The following NIBAN3 variants were observed in gnomAD, a reference collection of about 807,000 sequenced individuals.
NIBAN3 encodes the protein protein Niban 3.
In NIBAN3, 66 loss-of-function variants were observed where a neutral mutation model predicts 76.4. The ratio of observed to expected loss-of-function variants is 0.86; its 90% CI spans 0.71 to 1.06. The LOEUF is 1.06. Among genes scored for constraint, NIBAN3 ranks in the 50% least tolerant of loss-of-function variants. The pLI is 0.00. For missense variants in NIBAN3, 808 were observed against 810.7 expected, an observed-to-expected ratio of 1.00 and a Z score of 0.04; for synonymous variants, 360 against 355.2, an observed-to-expected ratio of 1.01 and a Z score of -0.15.
rs1252131223 is a variant in NIBAN3, at chr19:17,540,469, C to A, written c.1057C>A (p.Leu353Met). The A allele has an allele frequency of 1.3e-6, 2 of 1,597,792 alleles. No homozygotes were observed. Among genetic ancestry groups the A allele is most frequent in the South Asian group, 2.2e-5 (2 of 89,562 alleles). The change falls in exon 9 of 15, where the codon CTG (leucine) becomes ATG (methionine). Residue 353 changes from leucine to methionine, a missense_variant. Leu to Met is a conservative substitution (Grantham distance 15). Coordinates refer to ENST00000599164, the MANE Select transcript of NIBAN3 (RefSeq NM_001321827.2). ...GCTGCCCCGGGTCGTGCAGACCCTGCTGCGCACCGTGGAAGCCTCGCTCGA... is the reference window on the plus strand; with the variant it reads ...GCTGCCCCGGGTCGTGCAGACCCTGATGCGCACCGTGGAAGCCTCGCTCGA... ...PQLPRVVQTLLRTVEASLEAV... is the reference protein window; with the variant it reads ...PQLPRVVQTLMRTVEASLEAV...
chr19:17,536,386 A>G (rs932206712), intron 4 of NIBAN3, among the ~76,000 whole-genome samples: 1 of 152,010 alleles, frequency 6.6e-6, no homozygotes, highest in African/African-American at 2.4e-5. Flanking sequence ...ACGGGGTTTC[A>G]CCACGTTGGC....
At chr19:17,548,731 G>A (rs1370598890) in intron 13 of NIBAN3, among the ~76,000 whole-genome samples, 2 of 152,106 alleles carry the variant, frequency 1.3e-5, no homozygotes, top group Non-Finnish European at 2.9e-5. Context: ...TTTGAGACCA[G>A]CTTGGCCAAC....
Position 17,553,019 on chromosome 19 carries a change from G to GC in NIBAN3, c.*1121_*1122insC, listed in dbSNP as rs1216842182. On this transcript the variant is annotated 3_prime_UTR_variant, in exon 15 of 15. Transcript: ENST00000599164. ...GAGCCTGGGAACTCAAGGCTGCAGT[G>GC]AGTGGTGATTGCACCACTGCACTCC... 4 of 190,028 alleles carry GC rather than the reference G, an allele frequency of 2.1e-5. No homozygotes were observed. Among genetic ancestry groups the GC allele is most frequent in the African/African-American group, 4.7e-5 (2 of 42,376 alleles). 11.8% of individuals were successfully genotyped at this position (190,028 alleles called of 1,614,324 possible). A position where few individuals can be genotyped will look rare whatever the true frequency, so the allele number is the denominator to read the frequency against.
chr19:17,530,776 G>A lies in NIBAN3; in HGVS notation c.77G>A (p.Arg26Lys), dbSNP rs1179087846. The A allele has an allele frequency of 3.1e-6, 5 of 1,612,212 alleles. No homozygotes were observed. The highest frequency in any genetic ancestry group is 2.5e-6 in the Non-Finnish European group (3 of 1,178,804). The change falls in exon 2 of 15, where the codon AGG becomes AAG. Residue 26 changes from arginine (R) to lysine (K), a missense_variant. Physicochemically the swap from Arg to Lys is conservative, Grantham distance 26 (BLOSUM62 2). Transcript: ENST00000599164. ...HLRGQVDTLL[R>K]NFLPCYRGQL... is the part of the protein sequence containing the mutation. Reference sequence around the variant, plus strand: ...GCAGGTCAGGTGGACACCCTGCTGAGGAACTTCCTGCCTTGCTACCGTGGG... The same window carrying A: ...GCAGGTCAGGTGGACACCCTGCTGAAGAACTTCCTGCCTTGCTACCGTGGG...
At chr19:17,543,991 C>CAAA (rs11313110) in intron 12 of NIBAN3, 41 of 64,404 alleles carry the variant, frequency 6.4e-4, no homozygotes, top group Admixed American at 1.2e-3. Context: ...AACTCAGTCT[C>CAAA]AAAAAAAAAA....
chr19:17,540,287 G>T (rs2075921779), intron 8 of NIBAN3, 105 bp from the exon 9 acceptor site: 2 of 752,854 alleles, frequency 2.7e-6, no homozygotes, highest in Admixed American at 4.0e-5. Context: ...GTAGAAGAGG[G>T]CGCTCAGCGT....
intron 4 of NIBAN3, among the ~76,000 whole-genome samples, chr19:17,537,056 G>A (rs952991844): frequency 6.6e-6 from 1 of 152,134 alleles, no homozygotes; most frequent in East Asian, 1.9e-4. Flanking sequence ...ACATAAAGCC[G>A]GACGACTCAG....
At position 17,543,386 on chromosome 19, in the gene NIBAN3, G is replaced by C. The variant is rs1033755750; in HGVS notation, c.1399G>C (p.Asp467His). The C allele has an allele frequency of 3.1e-6, 5 of 1,608,902 alleles. No homozygotes were observed. The highest frequency in any genetic ancestry group is 4.3e-6 in the Non-Finnish European group (5 of 1,176,150). ...GTGTCTGACGACGGCCCTCAACTGT[G>C]ACCAGGCTGCCCAGAGGCTGGAGAG... ...DQCLTTALNCDQAAQRLERVR... is the reference protein window; with the variant it reads ...DQCLTTALNCHQAAQRLERVR... The change falls in exon 11 of 15, where the codon GAC (aspartate) becomes CAC (histidine). Residue 467 changes from aspartate to histidine, a missense_variant. Coordinates refer to ENST00000599164, the MANE Select transcript of NIBAN3 (RefSeq NM_001321827.2).
chr19:17,527,739 T>C (rs991558494), intron 1 of NIBAN3, among the ~76,000 whole-genome samples: 4 of 151,810 alleles, frequency 2.6e-5, no homozygotes, highest in Non-Finnish European at 1.5e-5. Flanking sequence ...TTTTTTTTTT[T>C]AATAGAGACA....
chr19:17,554,779 C>CA (rs66782675), downstream of NIBAN3, among the ~76,000 whole-genome samples: 95,919 of 118,104 alleles, frequency 0.81, 38,529 homozygotes, highest in Middle Eastern at 0.92. Context: ...GACGCTGTCT[C>CA]AAAAAAAAAA....
intron 4 of NIBAN3, 97 bp downstream of exon 4, chr19:17,533,798 C>A: frequency 1.1e-6 from 1 of 878,152 alleles, no homozygotes; most frequent in South Asian, 1.5e-5. Context: ...GTCCCGTGTA[C>A]AGCAGGGCAG....
At chr19:17,541,644 C>CTTATTTTATT (rs10528626) in intron 9 of NIBAN3, among the ~76,000 whole-genome samples, 126 of 137,066 alleles carry the variant, frequency 9.2e-4, no homozygotes, top group East Asian at 4.3e-3. Context: ...CTCACTGCTA[C>CTTATTTTATT]TTATTTTATT....
Position 17,553,629 on chromosome 19 carries a change from A to G in NIBAN3, c.*1731A>G, listed in dbSNP as rs2076189612. Reference sequence around the variant, plus strand: ...CTTCCGAAATACATTTGCTCAATACATTTGCACTTCATAGGCTTCTTTAGC... The same window carrying G: ...CTTCCGAAATACATTTGCTCAATACGTTTGCACTTCATAGGCTTCTTTAGC... On this transcript the variant is annotated 3_prime_UTR_variant, in exon 15 of 15. Coordinates refer to ENST00000599164, the MANE Select transcript of NIBAN3 (RefSeq NM_001321827.2). 17 of 1,385,800 alleles carry G rather than the reference A, an allele frequency of 1.2e-5. No individual in the cohort carries two copies. Among genetic ancestry groups the G allele is most frequent in the South Asian group, 2.3e-5 (2 of 85,526 alleles). The allele number at this position is 1,385,800 out of a possible 1,614,324, so 85.8% of individuals were successfully genotyped here. A position where few individuals can be genotyped will look rare whatever the true frequency, so the allele number is the denominator to read the frequency against.
rs2076171231 is a variant in NIBAN3 at position 17,552,411 on chromosome 19, T to G, written c.*513T>G. On this transcript the variant is annotated 3_prime_UTR_variant, in exon 15 of 15. Coordinates refer to ENST00000599164, the MANE Select transcript of NIBAN3 (RefSeq NM_001321827.2). ...TTTTTTTTAAATAATAGAGACAAGGTCTCGCTATGCTGCCCAGGCTGATCT... is the reference window on the plus strand; with the variant it reads ...TTTTTTTTAAATAATAGAGACAAGGGCTCGCTATGCTGCCCAGGCTGATCT... 1 of 151,842 alleles carries G rather than the reference T, an allele frequency of 6.6e-6. No individual in the cohort carries two copies. Among genetic ancestry groups the G allele is most frequent in the African/African-American group, 2.4e-5 (1 of 41,292 alleles). The allele number at this position is 151,842 out of a possible 1,614,324, so 9.4% of individuals were successfully genotyped here. A position where few individuals can be genotyped will look rare whatever the true frequency, so the allele number is the denominator to read the frequency against.
chr19:17,523,495 A>C, upstream of NIBAN3: 9 of 1,545,022 alleles, frequency 5.8e-6, no homozygotes, highest in Non-Finnish European at 7.0e-6. Context: ...GCGGAAGCTC[A>C]GCTGTGGGGC....
rs189951684 is a variant in NIBAN3, at chr19:17,533,740, C to T, written c.427+39C>T. ...GGTTCCCAGGAACAGGTTTCTCCAC[C>T]CCAGCATCATTAACATGTGGGGCCA... On this transcript the variant is annotated intron_variant, in intron 4 of 14. Coordinates refer to ENST00000599164, the MANE Select transcript of NIBAN3 (RefSeq NM_001321827.2). 1.6e-4 allele frequency: 237 copies of T among 1,452,864 alleles called. No individual in the cohort carries two copies. In the African/African-American group the frequency reaches 3.0e-3, roughly 18 times the overall value. The allele number at this position is 1,452,864 out of a possible 1,614,324, so 90.0% of individuals were successfully genotyped here. A position where few individuals can be genotyped will look rare whatever the true frequency, so the allele number is the denominator to read the frequency against.
At position 17,529,031 on chromosome 19, in the gene NIBAN3, A is replaced by G. The variant is rs893244862; in HGVS notation, c.55+1636A>G. On this transcript the variant is annotated intron_variant, in intron 1 of 14. Transcript: ENST00000599164. ...AGGAGATACCAGAAGAGCATTTTGG[A>G]CAGGAGAAACAGCATGTGCTAAGGC... is the stretch of plus-strand genomic sequence containing the variant. Among the ~76,000 whole-genome samples the G allele has an allele frequency of 2.6e-5, 4 of 152,142 alleles. No homozygotes were observed. In the East Asian group the frequency reaches 5.8e-4, roughly 22 times the overall value.
chr19:17,533,641 C>A lies in NIBAN3; in HGVS notation c.367C>A (p.Leu123Ile). The A allele has an allele frequency of 6.2e-7, 1 of 1,614,140 alleles. No individual in the cohort carries two copies. Among genetic ancestry groups the A allele is most frequent in the Non-Finnish European group, 8.5e-7 (1 of 1,180,026 alleles). ...CTCAACAGCCCTGACAGGATACACG[C>A]TCCTGACTTCCCAGCGAGAATATCT... is the stretch of plus-strand genomic sequence containing the variant. ...LGSTALTGYT[L>I]LTSQREYLRL... The change falls in exon 4 of 15, where the codon CTC (leucine) becomes ATC (isoleucine). Residue 123 changes from leucine to isoleucine, a missense_variant. Leu to Ile is a conservative substitution (Grantham distance 5, BLOSUM62 2). Transcript: ENST00000599164.
rs956534136 is a variant in NIBAN3, at chr19:17,539,340, C to G, written c.712-7C>G. The G allele has an allele frequency of 6.5e-7, 1 of 1,548,892 alleles. No individual in the cohort carries two copies. Among genetic ancestry groups the G allele is most frequent in the Non-Finnish European group, 8.7e-7 (1 of 1,147,742 alleles). ...GACCGCGGCGCCCATGGCCCCCTCT[C>G]CTGCAGGTGCTGACCGCGGTGCTGA... is the stretch of plus-strand genomic sequence containing the variant. On this transcript the variant is annotated splice_polypyrimidine_tract_variant and splice_region_variant and intron_variant, in intron 6 of 14. Coordinates refer to ENST00000599164, the MANE Select transcript of NIBAN3 (RefSeq NM_001321827.2).
Sources: gnomAD v4.1 joint callset for allele counts (sites outside exome capture counted in the v4.1 genomes callset) on GRCh38, gnomAD v4.1.1 for gene constraint, MANE v1.5 for transcripts, NCBI Gene and HGNC (gene_info 2026-07-23, HGNC 2026-07-21) for gene names.